MROH6: variants seen among roughly 807,000 people sequenced by gnomAD.
MROH6 encodes maestro heat-like repeat-containing protein family member 6.
MROH6 carries 62 observed loss-of-function variants against 67.7 expected under a neutral mutation model. The ratio of observed to expected loss-of-function variants is 0.92; its 90% CI spans 0.75 to 1.13. MROH6 has a LOEUF of 1.13. Among genes scored for constraint, MROH6 ranks in the 50% most tolerant of loss-of-function variants. MROH6 has a pLI of 0.00. For synonymous variants in MROH6, 566 were observed against 470.8 expected, an observed-to-expected ratio of 1.20 and a Z score of -2.62; for missense variants, 1,175 against 1,029.1, an observed-to-expected ratio of 1.14 and a Z score of -1.94.
In MROH6 at chr8:143,568,240, G is replaced by A. The variant is rs774225874; in HGVS notation, c.1666C>T (p.Arg556Cys). The stretch of plus-strand genomic sequence containing the variant: ...CCCCAGCAAAAGGCGTGGTCACAGC[G>A]GGCCAGGGTCCACTCTGAGCTCTGG... ...AAESSEWTLARCDHAFCWGLL... is the reference protein window; with the variant it reads ...AAESSEWTLACCDHAFCWGLL... The change falls in exon 11 of 14, where the codon CGC becomes TGC. Residue 556 changes from arginine (R) to cysteine (C), a missense_variant. Physicochemically the swap from Arg to Cys is radical, Grantham distance 180 (BLOSUM62 -3). Transcript: ENST00000398882. The A allele has an allele frequency of 3.0e-5, 49 of 1,610,076 alleles. 1 individual carries two copies. Among genetic ancestry groups the A allele is most frequent in the South Asian group, 2.9e-4 (26 of 90,492 alleles).
At chr8:143,571,211 T>C (rs1824016463) in intron 3 of MROH6, among the ~76,000 whole-genome samples, 1 of 152,130 alleles carries the variant, frequency 6.6e-6, no homozygotes, top group Admixed American at 6.5e-5. Context: ...AGCTGCAGGG[T>C]GGGGACCCAC....
At chr8:143,571,144 C>G in intron 3 of MROH6, 150 bp from the exon 4 acceptor site, 1 of 637,404 alleles carries the variant, frequency 1.6e-6, no homozygotes, top group Non-Finnish European at 2.8e-6. Context: ...CCCCAAATCT[C>G]AGAGAAACAA....
At chr8:143,570,841 C>CTT in intron 4 of MROH6, 36 bp downstream of exon 4, 1 of 900,730 alleles carries the variant, frequency 1.1e-6, no homozygotes, top group South Asian at 1.5e-5. Context: ...CCCCCACCCC[C>CTT]GCCCCCACCC....
rs368637582 is a variant in MROH6, at chr8:143,569,972, C to T, written c.1137G>A (p.Thr379=). The T allele has an allele frequency of 3.1e-6, 5 of 1,608,352 alleles. No individual in the cohort carries two copies. The African/African-American group carries it at 5.7e-5, about 18-fold the overall frequency. Residue 379 remains threonine (T), a synonymous_variant, in exon 7 of 14, where the codon ACG becomes ACA. Coordinates refer to ENST00000398882, the MANE Select transcript of MROH6 (RefSeq NM_001100878.2). ...LRSADDPQRL[T]AMAFFTGLLQ... ...TCACCCCTGTGAAGAAGGCCATAGC[C>T]GTGAGACGCTGCGGGTCGTCCGCGC...
At position 143,567,702 on chromosome 8, in the gene MROH6, C is replaced by T. The variant is rs761090426; in HGVS notation, c.1868-26G>A. ...CTGGACCACAGCAGATGCATGAGTG[C>T]AGGCCCCACAGCCCCCCAGGGGGAG... On this transcript the variant is annotated intron_variant, in intron 12 of 13. Coordinates refer to ENST00000398882, the MANE Select transcript of MROH6 (RefSeq NM_001100878.2). 26 of 1,575,844 alleles carry T rather than the reference C, an allele frequency of 1.6e-5. No individual in the cohort carries two copies. In the African/African-American group the frequency reaches 2.0e-4, roughly 12 times the overall value.
intron 3 of MROH6, 148 bp from the exon 4 acceptor site, chr8:143,571,142 C>T (rs531137662): frequency 1.6e-6 from 1 of 637,304 alleles, no homozygotes; most frequent in East Asian, 2.7e-5. Context: ...ATCCCCAAAT[C>T]TCAGAGAAAC....
At chr8:143,570,142 C>G in intron 6 of MROH6, 77 bp from the exon 7 acceptor site, 1 of 1,566,348 alleles carries the variant, frequency 6.4e-7, no homozygotes, top group Non-Finnish European at 8.6e-7. Flanking sequence ...CCAACACCAC[C>G]CTCATGCCCC....
At chr8:143,568,360 A>G in intron 10 of MROH6, 99 bp from the exon 11 acceptor site, 1 of 1,489,368 alleles carries the variant, frequency 6.7e-7, no homozygotes, top group Non-Finnish European at 9.0e-7. Context: ...TGAGGGGCAG[A>G]AGAGCCCAGG....
intron 10 of MROH6, 104 bp downstream of exon 10, chr8:143,568,448 T>C (rs1226281791): frequency 4.1e-6 from 6 of 1,446,992 alleles, no homozygotes; most frequent in Non-Finnish European, 5.5e-6. Flanking sequence ...ACTGAGGTCC[T>C]TGGGATGGGT....
In MROH6 at chr8:143,567,413, GTGCGCTGCCGCGGCCACA is replaced by G. The variant is rs1823679630; in HGVS notation, c.1968_1985del (p.Ala658_Val663del). 7.6e-7 allele frequency: 1 copy of G among 1,312,372 alleles called. No individual in the cohort carries two copies. Among genetic ancestry groups the G allele is most frequent in the Non-Finnish European group, 9.7e-7 (1 of 1,030,292 alleles). The allele number at this position is 1,312,372 out of a possible 1,614,324, so 81.3% of individuals were successfully genotyped here. On this transcript the variant is annotated inframe_deletion, in exon 14 of 14. Transcript: ENST00000398882. ...GCATCGCCACCTGCTGAGCGGACAC[GTGCGCTGCCGCGGCCACA>G]GCCGGCTTGGGGTCGCTCTGCAGTC...
At chr8:143,570,829 A>ACCCCAC in intron 4 of MROH6, 48 bp downstream of exon 4, 1 of 572,446 alleles carries the variant, frequency 1.7e-6, no homozygotes, top group Non-Finnish European at 2.8e-6. Context: ...GCTCCTCGCC[A>ACCCCAC]CCCCCCACCC....
rs1306892659 is a variant in MROH6 at position 143,569,575 on chromosome 8, C to T, written c.1342G>A (p.Ala448Thr). The change falls in exon 9 of 14, where the codon GCA (alanine) becomes ACA (threonine). Residue 448 changes from alanine to threonine, a missense_variant. Physicochemically the swap from Ala to Thr is moderately conservative, Grantham distance 58 (BLOSUM62 0). Transcript: ENST00000398882. ...VSTLLPALLGALGEGDARLVG... is the reference protein window; with the variant it reads ...VSTLLPALLGTLGEGDARLVG... Reference sequence around the variant, plus strand: ...AGCCGCGCGTCGCCTTCGCCCAGTGCGCCCAGGAGCGCCGGCAGCAGCGTG... The same window carrying T: ...AGCCGCGCGTCGCCTTCGCCCAGTGTGCCCAGGAGCGCCGGCAGCAGCGTG... 1.9e-6 allele frequency: 3 copies of T among 1,557,520 alleles called. No individual in the cohort carries two copies. The highest frequency in any genetic ancestry group is 4.7e-5 in the East Asian group (2 of 42,750).
chr8:143,570,017 G>C lies in MROH6; in HGVS notation c.1092C>G (p.Asp364Glu). 2 of 1,613,100 alleles carry C rather than the reference G, an allele frequency of 1.2e-6. No individual in the cohort carries two copies. The highest frequency in any genetic ancestry group is 1.7e-6 in the Non-Finnish European group (2 of 1,179,852). ...ADHHLRGLFA[D>E]LLPRLRSADD... is the part of the protein sequence containing the mutation. ...CCGCGCTGCGAAGCCGAGGGAGCAA[G>C]TCTGCGAAGAGGCCTCGCAGGTGGT... Residue 364 changes from aspartate (D) to glutamate (E), a missense_variant, in exon 7 of 14, where the codon GAC becomes GAG. Coordinates refer to ENST00000398882, the MANE Select transcript of MROH6 (RefSeq NM_001100878.2).
In MROH6 at chr8:143,567,743, A is replaced by G. The variant is rs555787337; in HGVS notation, c.1867+43T>C. 8 of 1,570,448 alleles carry G rather than the reference A, an allele frequency of 5.1e-6. No homozygotes were observed. In the East Asian group the frequency reaches 1.9e-4, roughly 36 times the overall value. ...CCAGGGGGAGGCTGGCCCAGCTCCC[A>G]AAGCCCCGGTGCCAGGGGCAGTGTG... On this transcript the variant is annotated intron_variant, in intron 12 of 13. Coordinates refer to ENST00000398882, the MANE Select transcript of MROH6 (RefSeq NM_001100878.2).
chr8:143,567,656 T>C lies in MROH6; in HGVS notation c.1888A>G (p.Ser630Gly). Reference sequence around the variant, plus strand: ...AGGTCCTGGTTGACACAGCCGGGGCTGGCGTGGTGGACAAGGAAGCCTGGA... The same window carrying C: ...AGGTCCTGGTTGACACAGCCGGGGCCGGCGTGGTGGACAAGGAAGCCTGGA... ...VLIGFLVHHA[S>G]PGCVNQDLLD... is the part of the protein sequence containing the mutation. The change falls in exon 13 of 14, where the codon AGC becomes GGC. Residue 630 changes from serine to glycine, a missense_variant. Ser to Gly is a moderately conservative substitution (Grantham distance 56). Coordinates refer to ENST00000398882, the MANE Select transcript of MROH6 (RefSeq NM_001100878.2). 1 of 1,576,148 alleles carries C rather than the reference T, an allele frequency of 6.3e-7. No homozygotes were observed. The highest frequency in any genetic ancestry group is 8.6e-7 in the Non-Finnish European group (1 of 1,161,766).
chr8:143,571,428 AG>A (rs747500567), intron 3 of MROH6, among the ~76,000 whole-genome samples: 1 of 152,208 alleles, frequency 6.6e-6, no homozygotes, highest in Non-Finnish European at 1.5e-5. Context: ...ACCCGAAGAT[AG>A]AAGGTGGCTC....
Position 143,569,994 on chromosome 8 carries a change from G to A in MROH6, c.1115C>T (p.Ala372Val). Residue 372 changes from alanine (A) to valine (V), a missense_variant, in exon 7 of 14, where the codon GCG becomes GTG. Transcript: ENST00000398882. ...FADLLPRLRS[A>V]DDPQRLTAMA... is the part of the protein sequence containing the mutation. ...AGCCGTGAGACGCTGCGGGTCGTCC[G>A]CGCTGCGAAGCCGAGGGAGCAAGTC... The A allele has an allele frequency of 2.5e-6, 4 of 1,613,188 alleles. No homozygotes were observed. Among genetic ancestry groups the A allele is most frequent in the Admixed American group, 1.7e-5 (1 of 60,024 alleles).
At chr8:143,568,062 G>C (rs908403912) in intron 11 of MROH6, 80 bp downstream of exon 11, 3 of 1,521,164 alleles carry the variant, frequency 2.0e-6, no homozygotes, top group East Asian at 2.5e-5. Flanking sequence ...CAGTAGAAAC[G>C]GTTGGGGGCC....
Position 143,569,956 on chromosome 8 carries a change from TGAA to T in MROH6, c.1150_1152del (p.Phe384del), listed in dbSNP as rs1212522662. 20 of 1,611,190 alleles carry T rather than the reference TGAA, an allele frequency of 1.2e-5. No homozygotes were observed. In the African/African-American group the frequency reaches 2.6e-4, roughly 21 times the overall value. ...CATCCGGGAAGCAGGCTCACCCCTGTGAAGAAGGCCATAGCCGTGAGACGCTGC... is the reference window on the plus strand; with the variant it reads ...CATCCGGGAAGCAGGCTCACCCCTGTGAAGGCCATAGCCGTGAGACGCTGC... On this transcript the variant is annotated inframe_deletion, in exon 7 of 14. Transcript: ENST00000398882.
Sources: allele counts gnomAD v4.1 joint callset (sites outside exome capture counted in the v4.1 genomes callset), GRCh38; gene constraint gnomAD v4.1.1; transcripts MANE v1.5; gene names NCBI Gene and HGNC (gene_info 2026-07-23, HGNC 2026-07-21).